The following DSCAML1 variants were observed in gnomAD, a reference collection of about 807,000 sequenced individuals.
DSCAML1 encodes the protein DS cell adhesion molecule like 1.
DSCAML1 carries 38 observed loss-of-function variants against 200.5 expected under a neutral mutation model. That is an observed-to-expected ratio of 0.19 (90% CI 0.15 to 0.25). DSCAML1 has a LOEUF of 0.25. Among genes scored for constraint, DSCAML1 ranks in the 10% least tolerant of loss-of-function variants. The pLI is 1.00. For missense variants in DSCAML1, 2,223 were observed against 2,858.8 expected, an observed-to-expected ratio of 0.78 and a Z score of 5.07; for synonymous variants, 1,215 against 1,165.0, an observed-to-expected ratio of 1.04 and a Z score of -0.87.
At chr11:117,791,019 G>C (rs1014034) in intron 1 of DSCAML1, among the ~76,000 whole-genome samples, 60,437 of 152,162 alleles carry the variant, frequency 0.4, 13,193 homozygotes, top group Non-Finnish European at 0.5. Flanking sequence ...CAGGGCACAG[G>C]GAGTGGGGCA....
At chr11:117,472,739 G>A (rs547836268) in intron 14 of DSCAML1, among the ~76,000 whole-genome samples, 16 of 152,270 alleles carry the variant, frequency 1.1e-4, no homozygotes, top group Non-Finnish European at 1.8e-4. Flanking sequence ...TGTAGGAGGT[G>A]GAAAATACCA....
chr11:117,466,748 G>A (rs768001462), intron 16 of DSCAML1, among the ~76,000 whole-genome samples: 1 of 152,136 alleles, frequency 6.6e-6, no homozygotes, highest in Non-Finnish European at 1.5e-5. Flanking sequence ...CAGTTTGAGA[G>A]GATGAAAAAG....
At chr11:117,440,551 T>C (rs1274355130) in intron 21 of DSCAML1, among the ~76,000 whole-genome samples, 1 of 152,116 alleles carries the variant, frequency 6.6e-6, no homozygotes, top group Non-Finnish European at 1.5e-5. Context: ...AGTAGAATCT[T>C]GGGGGCTTTG....
chr11:117,446,572 CCAATAAACATATA>C (rs1320428814), intron 20 of DSCAML1, among the ~76,000 whole-genome samples: 2 of 152,048 alleles, frequency 1.3e-5, no homozygotes, highest in African/African-American at 4.8e-5. Flanking sequence ...AAAAATATAG[CCAATAAACATATA>C]CAACCTAACT....
chr11:117,678,779 G>A (rs1475082783), intron 3 of DSCAML1, among the ~76,000 whole-genome samples: 16 of 152,264 alleles, frequency 1.1e-4, no homozygotes. Flanking sequence ...AGTGGCAGGA[G>A]ATGAGGACAA....
At chr11:117,543,397 T>G (rs1055997298) in intron 3 of DSCAML1, among the ~76,000 whole-genome samples, 1 of 150,718 alleles carries the variant, frequency 6.6e-6, no homozygotes, top group African/African-American at 2.4e-5. Context: ...TGTGCTGGCA[T>G]GTTGTGTACC....
At position 117,516,400 on chromosome 11, in the gene DSCAML1, T is replaced by C; in HGVS notation, c.1783+67A>G. On this transcript the variant is annotated intron_variant, in intron 8 of 32. Transcript: ENST00000651296. This position sits in a 1 kb window ranked among gnomAD's most constrained non-coding sequence, Gnocchi z 5.7. The stretch of plus-strand genomic sequence containing the variant: ...TGCCTATTGTTGTCTGAGTCCCAGC[T>C]GGGGAAAGGCCCACGCATCCTGGGT... The C allele has an allele frequency of 1.3e-6, 2 of 1,555,736 alleles. No individual in the cohort carries two copies. Among genetic ancestry groups the C allele is most frequent in the Non-Finnish European group, 1.7e-6 (2 of 1,148,778 alleles).
At position 117,463,588 on chromosome 11, in the gene DSCAML1, AAG is replaced by A. The variant is rs956531671; in HGVS notation, c.3265+1352_3265+1353del. Among the ~76,000 whole-genome samples the A allele has an allele frequency of 6.6e-6, 1 of 152,158 alleles. No homozygotes were observed. The highest frequency in any genetic ancestry group is 2.4e-5 in the African/African-American group (1 of 41,438). ...TGCTCAAATGAACACTCCTGGCACTAAGAGGAGACAAGCTGATCTTCCTCAAT... is the reference window on the plus strand; with the variant it reads ...TGCTCAAATGAACACTCCTGGCACTAAGGAGACAAGCTGATCTTCCTCAAT... On this transcript the variant is annotated intron_variant, in intron 17 of 32. Transcript: ENST00000651296. This position sits in a 1 kb window ranked among gnomAD's most constrained non-coding sequence, Gnocchi z 4.0.
chr11:117,597,981 T>C (rs938172960), intron 3 of DSCAML1, among the ~76,000 whole-genome samples: 2 of 152,080 alleles, frequency 1.3e-5, no homozygotes, highest in African/African-American at 4.8e-5. Flanking sequence ...GAAATATGCC[T>C]GGCCCAAACC....
At chr11:117,670,496 G>A (rs1472964304) in intron 3 of DSCAML1, among the ~76,000 whole-genome samples, 3 of 152,148 alleles carry the variant, frequency 2.0e-5, no homozygotes, top group Non-Finnish European at 4.4e-5. Flanking sequence ...GGTCAGACTT[G>A]ATTTGGGAGA....
At chr11:117,654,203 T>C (rs2052689359) in intron 3 of DSCAML1, among the ~76,000 whole-genome samples, 2 of 151,686 alleles carry the variant, frequency 1.3e-5, no homozygotes, top group African/African-American at 4.9e-5. Flanking sequence ...GGTGGGGAAA[T>C]AGGGGGATGT....
At chr11:117,765,059 G>T (rs1395191171) in intron 3 of DSCAML1, among the ~76,000 whole-genome samples, 2 of 152,168 alleles carry the variant, frequency 1.3e-5, no homozygotes, top group African/African-American at 4.8e-5. Flanking sequence ...CTAAAGGCTT[G>T]GGTATTCAGA....
intron 3 of DSCAML1, among the ~76,000 whole-genome samples, chr11:117,766,134 C>T (rs1476123866): frequency 6.6e-6 from 1 of 152,170 alleles, no homozygotes; most frequent in Non-Finnish European, 1.5e-5. Flanking sequence ...TGTGGCATTG[C>T]GGACGCAGTT....
chr11:117,807,236 C>T (rs955882014), intron 1 of DSCAML1, among the ~76,000 whole-genome samples: 2 of 152,230 alleles, frequency 1.3e-5, no homozygotes, highest in African/African-American at 4.8e-5. Flanking sequence ...CGCTGAAGCC[C>T]CTGCCATCAG....
At chr11:117,575,868 AAAACAAAACAAAAC>A (rs1239740133) in intron 3 of DSCAML1, among the ~76,000 whole-genome samples, 368 of 151,370 alleles carry the variant, frequency 2.4e-3, no homozygotes, top group Admixed American at 6.0e-3. Flanking sequence ...AAAACAAAAC[AAAACAAAACAAAAC>A]AAACAAAAAA....
chr11:117,623,039 T>G (rs1489770804), intron 3 of DSCAML1, among the ~76,000 whole-genome samples: 1 of 152,118 alleles, frequency 6.6e-6, no homozygotes, highest in African/African-American at 2.4e-5. Flanking sequence ...TTATTAGCTC[T>G]ACGGTCTCAG....
intron 11 of DSCAML1, among the ~76,000 whole-genome samples, chr11:117,501,069 G>C (rs1433756991): frequency 2.6e-5 from 4 of 152,152 alleles, no homozygotes; most frequent in African/African-American, 9.7e-5. Context: ...ACGAGGAATG[G>C]TTTCTCCTGC....
At chr11:117,669,582 G>A (rs1024645467) in intron 3 of DSCAML1, among the ~76,000 whole-genome samples, 2 of 152,238 alleles carry the variant, frequency 1.3e-5, no homozygotes, top group African/African-American at 4.8e-5. Flanking sequence ...GGCTGACAAT[G>A]TAGTTAGGAA....
chr11:117,816,554 C>G (rs2055808830), intron 1 of DSCAML1, among the ~76,000 whole-genome samples: 1 of 152,194 alleles, frequency 6.6e-6, no homozygotes, highest in Non-Finnish European at 1.5e-5. Context: ...CGACTAATCT[C>G]CCCCACAGCA....
Sources: gnomAD v4.1 joint callset for allele counts (sites outside exome capture counted in the v4.1 genomes callset) on GRCh38, gnomAD v4.1.1 for gene constraint, Gnocchi (gnomAD v3.1) non-coding constraint, MANE v1.5 for transcripts, NCBI Gene and HGNC (gene_info 2026-07-23, HGNC 2026-07-21) for gene names.